The following TPD52 variants were observed in gnomAD, a reference collection of about 807,000 sequenced individuals.
The protein encoded by TPD52 is tumor protein D52, also known as prostate and colon associated protein.
Under a neutral mutation model 31.3 loss-of-function variants are expected in TPD52, and 17 were observed. That is an observed-to-expected ratio of 0.54 (90% CI 0.37 to 0.82). The LOEUF (loss-of-function observed/expected upper bound fraction) is 0.82. Ranked by LOEUF, TPD52 falls within the 40% of genes least tolerant of loss-of-function variation. The pLI is 0.00. For missense variants in TPD52, 212 were observed against 240.1 expected (o/e 0.88, Z 0.77); for synonymous variants, 83 against 89.6 (o/e 0.93, Z 0.42).
intron 1 of TPD52, among the ~76,000 whole-genome samples, chr8:80,114,676 T>C (rs1446632396): frequency 6.6e-6 from 1 of 151,986 alleles, no homozygotes; most frequent in African/African-American, 2.4e-5. Context: ...AGTCCAAGAG[T>C]TGACATTTCC....
intron 1 of TPD52, among the ~76,000 whole-genome samples, chr8:80,120,303 A>G (rs1337664526): frequency 2.6e-5 from 4 of 152,168 alleles, no homozygotes; most frequent in African/African-American, 9.7e-5. Flanking sequence ...AGCCTAGCCA[A>G]CACGGCAAAA....
rs1166263413 is a variant in TPD52 at position 80,037,376 on chromosome 8, C to A, written c.*740G>T. ...TATTTTGTAGAAATTAAAATTTTAACCTGGTGAAAAATAAGTTGATATAAG... is the reference window on the plus strand; with the variant it reads ...TATTTTGTAGAAATTAAAATTTTAAACTGGTGAAAAATAAGTTGATATAAG... On this transcript the variant is annotated 3_prime_UTR_variant, in exon 8 of 8. Coordinates refer to ENST00000518937, the MANE Select transcript of TPD52 (RefSeq NM_001025253.3). 1 of 152,028 alleles carries A rather than the reference C, an allele frequency of 6.6e-6. No individual in the cohort carries two copies. Among genetic ancestry groups the A allele is most frequent in the Non-Finnish European group, 1.5e-5 (1 of 67,996 alleles). The allele number at this position is 152,028 out of a possible 1,614,324, so 9.4% of individuals were successfully genotyped here. A position where few individuals can be genotyped will look rare whatever the true frequency, so the allele number is the denominator to read the frequency against.
intron 6 of TPD52, 68 bp from the exon 7 acceptor site, chr8:80,042,736 T>C: frequency 2.9e-6 from 4 of 1,392,940 alleles, no homozygotes; most frequent in Non-Finnish European, 4.0e-6. Context: ...AGTTTGAAAA[T>C]ATAATTGATT....
Position 80,147,465 on chromosome 8 carries a change from G to C in TPD52, c.19+23960C>G, listed in dbSNP as rs188015892. On this transcript the variant is annotated intron_variant, in intron 1 of 7. Coordinates refer to ENST00000518937, the MANE Select transcript of TPD52 (RefSeq NM_001025253.3). Reference sequence around the variant, plus strand: ...GTCTTACTGGTGACTCCGGTGGAGAGAGTACATGACAAACAGTCAACACTA... The same window carrying C: ...GTCTTACTGGTGACTCCGGTGGAGACAGTACATGACAAACAGTCAACACTA... 1.7e-4 allele frequency among the ~76,000 whole-genome samples: 26 copies of C among 152,294 alleles called. No homozygotes were observed. In the East Asian group the frequency reaches 4.6e-3, roughly 27 times the overall value.
At chr8:80,065,334 A>C (rs1379579471) in intron 1 of TPD52, among the ~76,000 whole-genome samples, 1 of 151,234 alleles carries the variant, frequency 6.6e-6, no homozygotes, top group Non-Finnish European at 1.5e-5. Context: ...AGATACCCTT[A>C]TAAAAGAATA....
intron 1 of TPD52, among the ~76,000 whole-genome samples, chr8:80,066,650 C>T (rs1813184798): frequency 6.6e-6 from 1 of 152,160 alleles, no homozygotes; most frequent in Non-Finnish European, 1.5e-5. Flanking sequence ...GCAGGTAGCC[C>T]TTACTGGACC....
intron 1 of TPD52, 57 bp downstream of exon 1, chr8:80,171,368 C>A: frequency 6.8e-6 from 4 of 586,876 alleles, no homozygotes; most frequent in Non-Finnish European, 8.2e-6. Context: ...GAGCCAAAGC[C>A]CGAGTCCAAG....
At chr8:80,130,231 C>G (rs1175040588) in intron 1 of TPD52, among the ~76,000 whole-genome samples, 1 of 152,128 alleles carries the variant, frequency 6.6e-6, no homozygotes, top group Non-Finnish European at 1.5e-5. Context: ...CAGACACAGA[C>G]AAAATCACAG....
At chr8:80,059,514 A>G (rs935886859) in intron 2 of TPD52, among the ~76,000 whole-genome samples, 1 of 152,196 alleles carries the variant, frequency 6.6e-6, no homozygotes, top group Non-Finnish European at 1.5e-5. Context: ...AATAAAAGCA[A>G]TAATTCATTC....
At chr8:80,120,252 G>A (rs965243217) in intron 1 of TPD52, among the ~76,000 whole-genome samples, 5 of 152,170 alleles carry the variant, frequency 3.3e-5, no homozygotes, top group African/African-American at 9.7e-5. Context: ...CACTGTGGGA[G>A]GCCGAGGCAG....
chr8:80,129,676 A>G (rs1808880254), intron 1 of TPD52, among the ~76,000 whole-genome samples: 2 of 148,756 alleles, frequency 1.3e-5, no homozygotes, highest in East Asian at 3.9e-4. Context: ...TCCTCCCCCG[A>G]CTTCTCTCAA....
At chr8:80,097,008 A>C (rs969983116) in intron 1 of TPD52, among the ~76,000 whole-genome samples, 3 of 152,244 alleles carry the variant, frequency 2.0e-5, no homozygotes, top group Non-Finnish European at 2.9e-5. Flanking sequence ...TTTTGAATGC[A>C]AAGAAAAAGT....
intron 1 of TPD52, among the ~76,000 whole-genome samples, chr8:80,158,282 C>A (rs1368960505): frequency 6.6e-6 from 1 of 151,734 alleles, no homozygotes; most frequent in African/African-American, 2.4e-5. Flanking sequence ...TCAACCCCAA[C>A]CCAATTCTCC....
chr8:80,147,615 T>G (rs1021949041), intron 1 of TPD52, among the ~76,000 whole-genome samples: 1 of 152,174 alleles, frequency 6.6e-6, no homozygotes, highest in African/African-American at 2.4e-5. Flanking sequence ...GCACTACATG[T>G]GGCAGCGGCC....
At chr8:80,165,294 G>C (rs1180207531) in intron 1 of TPD52, among the ~76,000 whole-genome samples, 1 of 152,226 alleles carries the variant, frequency 6.6e-6, no homozygotes, top group Non-Finnish European at 1.5e-5. Flanking sequence ...CTATGGAGCA[G>C]AATTTGGCAC....
intron 1 of TPD52, among the ~76,000 whole-genome samples, chr8:80,083,608 G>A (rs1437474086): frequency 1.3e-5 from 2 of 152,298 alleles, no homozygotes; most frequent in East Asian, 3.8e-4. Flanking sequence ...GTGAAGTGGT[G>A]CCTTCTGCCA....
At position 80,064,477 on chromosome 8, in the gene TPD52, C is replaced by G; in HGVS notation, c.135+1G>C. 6.2e-7 allele frequency: 1 copy of G among 1,612,126 alleles called. No homozygotes were observed. The highest frequency in any genetic ancestry group is 8.5e-7 in the Non-Finnish European group (1 of 1,178,252). ...AAGTTGCAAAAGGAATGGTTCTTTACCTTTGCAAGTTCTCTTCTTAGCTCT... is the reference window on the plus strand; with the variant it reads ...AAGTTGCAAAAGGAATGGTTCTTTAGCTTTGCAAGTTCTCTTCTTAGCTCT... On this transcript the variant is annotated splice_donor_variant, in intron 2 of 7. Coordinates refer to ENST00000518937, the MANE Select transcript of TPD52 (RefSeq NM_001025253.3). LOFTEE classifies it high-confidence loss of function.
At chr8:80,065,270 T>TAC (rs1422543933) in intron 1 of TPD52, among the ~76,000 whole-genome samples, 1 of 138,972 alleles carries the variant, frequency 7.2e-6, no homozygotes, top group Non-Finnish European at 1.5e-5. Context: ...TCTATCTATA[T>TAC]ATATCTATAT....
intron 1 of TPD52, among the ~76,000 whole-genome samples, chr8:80,086,270 C>T (rs1331056099): frequency 6.6e-6 from 1 of 151,488 alleles, no homozygotes. Context: ...AAGCGCACAC[C>T]ACCACGCCCA....
Sources: allele counts gnomAD v4.1 joint callset (sites outside exome capture counted in the v4.1 genomes callset), GRCh38; gene constraint gnomAD v4.1.1; transcripts MANE v1.5; gene names NCBI Gene and HGNC (gene_info 2026-07-23, HGNC 2026-07-21).